The following ACAT2 variants were observed in gnomAD, a reference collection of about 807,000 sequenced individuals.
ACAT2 encodes acetyl-CoA acetyltransferase, cytosolic.
ACAT2 carries 26 observed loss-of-function variants against 37.1 expected under a neutral mutation model. The ratio of observed to expected loss-of-function variants is 0.70; its 90% CI spans 0.51 to 0.97. The LOEUF (loss-of-function observed/expected upper bound fraction) is 0.97. ACAT2 is among the 50% of genes least tolerant of loss of function. The pLI is 0.00. For synonymous variants in ACAT2, 156 were observed against 163.6 expected, an observed-to-expected ratio of 0.95 and a Z score of 0.35; for missense variants, 468 against 489.0, an observed-to-expected ratio of 0.96 and a Z score of 0.40.
chr6:159,765,660 G>A (rs1285909715), intron 2 of ACAT2, among the ~76,000 whole-genome samples: 1 of 112,284 alleles, frequency 8.9e-6, no homozygotes, highest in Non-Finnish European at 1.9e-5. Flanking sequence ...TCAAACTCCT[G>A]ACCTCAAGTA....
chr6:159,777,463 A>G lies in ACAT2; in HGVS notation c.912+7A>G, dbSNP rs1354966949. On this transcript the variant is annotated splice_region_variant and intron_variant, in intron 7 of 8. Transcript: ENST00000367048. ...TCCAGCCATAAAGCAAGCTGTGAGTATAACCCTATTCCCTTTTATGAAATT... is the reference window on the plus strand; with the variant it reads ...TCCAGCCATAAAGCAAGCTGTGAGTGTAACCCTATTCCCTTTTATGAAATT... The G allele has an allele frequency of 1.9e-6, 3 of 1,611,480 alleles. No individual in the cohort carries two copies. The highest frequency in any genetic ancestry group is 2.5e-6 in the Non-Finnish European group (3 of 1,179,130).
chr6:159,765,602 G>C (rs1349171539), intron 2 of ACAT2, among the ~76,000 whole-genome samples: 1 of 149,786 alleles, frequency 6.7e-6, no homozygotes, highest in Non-Finnish European at 1.5e-5. Flanking sequence ...GCTAATTTTT[G>C]TATTTTTAGT....
At chr6:159,764,292 G>A (rs747654750) in intron 2 of ACAT2, among the ~76,000 whole-genome samples, 7 of 152,122 alleles carry the variant, frequency 4.6e-5, no homozygotes, top group Non-Finnish European at 8.8e-5. Context: ...CCCTCTTAGG[G>A]CTCAGTTCTG....
intron 7 of ACAT2, 62 bp from the exon 8 acceptor site, chr6:159,778,108 A>C (rs1408988156): frequency 9.1e-7 from 1 of 1,101,244 alleles, no homozygotes; most frequent in Non-Finnish European, 1.4e-6. Flanking sequence ...TTGACAAAGA[A>C]TGGTTTAACT....
chr6:159,773,484 A>G (rs978444034), intron 4 of ACAT2, among the ~76,000 whole-genome samples: 2 of 152,194 alleles, frequency 1.3e-5, no homozygotes, highest in African/African-American at 4.8e-5. Context: ...ATGCTCAGGG[A>G]CATGTTGAAA....
At chr6:159,772,078 A>C (rs1780346594) in intron 4 of ACAT2, among the ~76,000 whole-genome samples, 1 of 152,176 alleles carries the variant, frequency 6.6e-6, no homozygotes, top group Admixed American at 6.5e-5. Flanking sequence ...ACAAAAAATT[A>C]GCCAGGTGTT....
intron 4 of ACAT2, among the ~76,000 whole-genome samples, chr6:159,770,318 A>G (rs909438678): frequency 2.6e-5 from 4 of 152,246 alleles, no homozygotes; most frequent in South Asian, 2.1e-4. Context: ...AAACCACAAC[A>G]GTCAACAGAC....
rs1399835572 is a variant in ACAT2, at chr6:159,775,166, C to T, written c.491-4C>T. On this transcript the variant is annotated splice_region_variant and splice_polypyrimidine_tract_variant and intron_variant, in intron 4 of 8. Transcript: ENST00000367048. ...AGTTTTTTGCTGTTTTTCTCCTTTC[C>T]CAGCTGAAAATGTAGCCAAAAAATG... 2 of 1,612,332 alleles carry T rather than the reference C, an allele frequency of 1.2e-6. No individual in the cohort carries two copies. The highest frequency in any genetic ancestry group is 1.7e-5 in the Admixed American group (1 of 59,612).
In ACAT2 at chr6:159,775,231, G is replaced by A; in HGVS notation, c.552G>A (p.Leu184=). 6.2e-7 allele frequency: 1 copy of A among 1,614,194 alleles called. No homozygotes were observed. The highest frequency in any genetic ancestry group is 8.5e-7 in the Non-Finnish European group (1 of 1,180,028). ...AAGATCAGGACAAGGTTGCAGTTCT[G>A]TCCCAGAACAGGACAGAGAATGCAC... ...SREDQDKVAV[L]SQNRTENAQK... Residue 184 remains leucine (L), a synonymous_variant, in exon 5 of 9, where the codon CTG becomes CTA. Coordinates refer to ENST00000367048, the MANE Select transcript of ACAT2 (RefSeq NM_005891.3).
In ACAT2 at chr6:159,775,226, G is replaced by A. The variant is rs759956506; in HGVS notation, c.547G>A (p.Val183Ile). 3 of 1,614,192 alleles carry A rather than the reference G, an allele frequency of 1.9e-6. No individual in the cohort carries two copies. The highest frequency in any genetic ancestry group is 2.2e-5 in the East Asian group (1 of 44,884). ...VSREDQDKVA[V>I]LSQNRTENAQ... is the part of the protein sequence containing the mutation. ...TAGAGAAGATCAGGACAAGGTTGCA[G>A]TTCTGTCCCAGAACAGGACAGAGAA... The change falls in exon 5 of 9, where the codon GTT becomes ATT. Residue 183 changes from valine to isoleucine, a missense_variant. Physicochemically the swap from Val to Ile is conservative, Grantham distance 29. Transcript: ENST00000367048.
intron 2 of ACAT2, among the ~76,000 whole-genome samples, chr6:159,763,783 G>A (rs568164885): frequency 6.7e-6 from 1 of 150,222 alleles, no homozygotes; most frequent in Non-Finnish European, 1.5e-5. Context: ...GGGACTACAG[G>A]CGGCCCACTG....
rs1243753656 is a variant in ACAT2 at position 159,778,813 on chromosome 6, G to A, written c.1178G>A (p.Cys393Tyr). ...GGGGGTGGGATGGGAATAGCAATGT[G>A]TGTTCAGAGAGAATGAATTGCTTAA... is the stretch of plus-strand genomic sequence containing the variant. ...CIGGGMGIAM[C>Y]VQRE The change falls in exon 9 of 9, where the codon TGT (cysteine) becomes TAT (tyrosine). Residue 393 changes from cysteine to tyrosine, a missense_variant. By Grantham distance (194) the Cys-to-Tyr change is radical. Transcript: ENST00000367048. The A allele has an allele frequency of 1.2e-6, 2 of 1,614,180 alleles. No individual in the cohort carries two copies. The highest frequency in any genetic ancestry group is 1.7e-6 in the Non-Finnish European group (2 of 1,180,036).
chr6:159,777,267 A>AGCAT (rs1389436817), intron 6 of ACAT2, 35 bp from the exon 7 acceptor site: 2 of 1,596,258 alleles, frequency 1.3e-6, no homozygotes, highest in East Asian at 4.5e-5. Context: ...GAGGTTAATA[A>AGCAT]GCATGGTAGA....
chr6:159,769,498 T>C (rs1562477375), intron 4 of ACAT2, among the ~76,000 whole-genome samples: 1 of 152,090 alleles, frequency 6.6e-6, no homozygotes, highest in Non-Finnish European at 1.5e-5. Flanking sequence ...AATAAATTGC[T>C]CTTCTTTAGA....
At chr6:159,771,150 T>C (rs6905133) in intron 4 of ACAT2, among the ~76,000 whole-genome samples, 118,423 of 152,042 alleles carry the variant, frequency 0.78, 46,407 homozygotes, top group South Asian at 0.85. Flanking sequence ...GGGAGGTCAA[T>C]GCAGGCAGAT....
At chr6:159,776,877 C>T (rs989737549) in intron 6 of ACAT2, among the ~76,000 whole-genome samples, 1 of 152,154 alleles carries the variant, frequency 6.6e-6, no homozygotes, top group African/African-American at 2.4e-5. Flanking sequence ...CAATCTCCGC[C>T]TCCCAGGTTC....
At chr6:159,778,423 TTAAAAAAAAAAA>T (rs1780479437) in intron 8 of ACAT2, 143 bp downstream of exon 8, 4 of 84,146 alleles carry the variant, frequency 4.8e-5, no homozygotes, top group Admixed American at 1.8e-4. Flanking sequence ...TTCCCAAGGT[TTAAAAAAAAAAA>T]AAAAAAAAAA....
At chr6:159,775,076 GGTCA>G in intron 4 of ACAT2, 90 bp from the exon 5 acceptor site, 1 of 1,395,346 alleles carries the variant, frequency 7.2e-7, no homozygotes, top group Non-Finnish European at 9.8e-7. Flanking sequence ...TAGCATATGT[GGTCA>G]GTCAGTGCTT....
At chr6:159,762,164 CGCAGAGTCCGAGGCGCCTGCTGCTTCG>C (rs751901754) in intron 1 of ACAT2, 22 bp downstream of exon 1, 3 of 1,605,616 alleles carry the variant, frequency 1.9e-6, no homozygotes, top group Admixed American at 1.7e-5. Flanking sequence ...GCGGGAGCCG[CGCAGAGTCCGAGGCGCCTGCTGCTTCG>C]GCAGGAGCGC....
Sources: gnomAD v4.1 joint callset for allele counts (sites outside exome capture counted in the v4.1 genomes callset) on GRCh38, gnomAD v4.1.1 for gene constraint, MANE v1.5 for transcripts, NCBI Gene and HGNC (gene_info 2026-07-23, HGNC 2026-07-21) for gene names.